The following MACROH2A2 variants were observed in gnomAD, a reference collection of about 807,000 sequenced individuals.
MACROH2A2 encodes the protein macroH2A.2 histone, also known as core histone macro-H2A.2.
MACROH2A2 carries 6 observed loss-of-function variants against 37.6 expected under a neutral mutation model. The ratio of observed to expected loss-of-function variants is 0.16; its 90% CI spans 0.09 to 0.32. MACROH2A2 has a LOEUF of 0.32. Among genes scored for constraint, MACROH2A2 ranks in the 10% least tolerant of loss-of-function variants. MACROH2A2 has a pLI of 1.00. For missense variants in MACROH2A2, 290 were observed against 485.9 expected, an observed-to-expected ratio of 0.60 and a Z score of 3.79; for synonymous variants, 192 against 202.7, an observed-to-expected ratio of 0.95 and a Z score of 0.45.
rs1391859420 is a variant in MACROH2A2, at chr10:70,053,017, GA to G, written c.-60+18del. The stretch of plus-strand genomic sequence containing the variant: ...CAGCACCAGGTGAGCCCGCCATGGC[GA>G]TGGCATTATTGTTTAGGGTGCTCCG... On this transcript the variant is annotated intron_variant, in intron 1 of 8. Coordinates refer to ENST00000373255, the MANE Select transcript of MACROH2A2 (RefSeq NM_018649.3). This position sits in a 1 kb window ranked among gnomAD's most constrained non-coding sequence, Gnocchi z 4.8. 2 of 152,314 alleles carry G rather than the reference GA, an allele frequency of 1.3e-5. No individual in the cohort carries two copies. Among genetic ancestry groups the G allele is most frequent in the African/African-American group, 4.8e-5 (2 of 41,458 alleles). 9.4% of individuals were successfully genotyped at this position (152,314 alleles called of 1,614,324 possible).
Position 70,075,892 on chromosome 10 carries a change from C to A in MACROH2A2, c.172+62C>A. On this transcript the variant is annotated intron_variant, in intron 2 of 8. Coordinates refer to ENST00000373255, the MANE Select transcript of MACROH2A2 (RefSeq NM_018649.3). The surrounding 1 kb of genome is among the most constrained non-coding windows in gnomAD (Gnocchi z 5.0). ...GGTCCCCACCCTCCCCTGGGTCCCC[C>A]TCGCAGGCTGGGGAGGGATGCTCCA... is the stretch of plus-strand genomic sequence containing the variant. 1.4e-6 allele frequency: 2 copies of A among 1,420,992 alleles called. No homozygotes were observed. Among genetic ancestry groups the A allele is most frequent in the Non-Finnish European group, 2.0e-6 (2 of 1,023,910 alleles). 88.0% of individuals were successfully genotyped at this position (1,420,992 alleles called of 1,614,324 possible).
At position 70,091,910 on chromosome 10, in the gene MACROH2A2, G is replaced by T. The variant is rs115009483; in HGVS notation, c.433G>T (p.Gly145Trp). 1.0e-4 allele frequency: 167 copies of T among 1,613,888 alleles called. No homozygotes were observed. Among genetic ancestry groups the T allele is most frequent in the Admixed American group, 2.5e-4 (15 of 59,980 alleles). Residue 145 changes from glycine (G) to tryptophan (W), a missense_variant, in exon 4 of 9, where the codon GGG (glycine) becomes TGG (tryptophan). Gly to Trp is a radical substitution (Grantham distance 184). This residue lies in a region of MACROH2A2 where 77 missense variants were observed against 68.9 expected (regional missense o/e 1.12). Transcript: ENST00000373255. ...RGRKATSGKKGGKKSKAAKPR... is the reference protein window; with the variant it reads ...RGRKATSGKKWGKKSKAAKPR... ...CAGGAAGGCCACGTCAGGCAAGAAGGGGGGGAAGAAATCCAAGGCTGCCAA... is the reference window on the plus strand; with the variant it reads ...CAGGAAGGCCACGTCAGGCAAGAAGTGGGGGAAGAAATCCAAGGCTGCCAA...
Position 70,111,719 on chromosome 10 carries a change from C to T in MACROH2A2, c.*36C>T, listed in dbSNP as rs753960304. ...TTCCAGCAGGGATCGGAGGACGACC[C>T]GAGTCCCAAGAGTGGGGTTTTGCTT... On this transcript the variant is annotated 3_prime_UTR_variant, in exon 9 of 9. Coordinates refer to ENST00000373255, the MANE Select transcript of MACROH2A2 (RefSeq NM_018649.3). 28 of 1,533,588 alleles carry T rather than the reference C, an allele frequency of 1.8e-5. No individual in the cohort carries two copies. The highest frequency in any genetic ancestry group is 4.1e-5 in the African/African-American group (3 of 72,536). 95.0% of individuals were successfully genotyped at this position (1,533,588 alleles called of 1,614,324 possible). A position where few individuals can be genotyped will look rare whatever the true frequency, so the allele number is the denominator to read the frequency against.
Position 70,109,193 on chromosome 10 carries a change from T to C in MACROH2A2, c.939T>C (p.Pro313=). 7 of 1,613,892 alleles carry C rather than the reference T, an allele frequency of 4.3e-6. No homozygotes were observed. Among genetic ancestry groups the C allele is most frequent in the Non-Finnish European group, 5.1e-6 (6 of 1,179,844 alleles). ...DKKLKSVAFP[P]FPSGRNCFPK... The stretch of plus-strand genomic sequence containing the variant: ...AGCTAAAGTCCGTCGCGTTCCCGCC[T>C]TTCCCCAGCGGCAGGTAAGATGCAG... Residue 313 remains proline (P), a synonymous_variant, in exon 8 of 9, where the codon CCT becomes CCC. Transcript: ENST00000373255.
chr10:70,084,631 A>G (rs1462636382), intron 2 of MACROH2A2, among the ~76,000 whole-genome samples: 1 of 151,928 alleles, frequency 6.6e-6, no homozygotes, highest in Non-Finnish European at 1.5e-5. Flanking sequence ...AGGCAGGGTA[A>G]GTTTTTGTTG....
chr10:70,077,114 G>T (rs186821799), intron 2 of MACROH2A2, among the ~76,000 whole-genome samples: 6 of 152,282 alleles, frequency 3.9e-5, no homozygotes, highest in Non-Finnish European at 5.9e-5. Flanking sequence ...GTGGGGTCAC[G>T]CAGGGATCTT....
chr10:70,108,049 T>A (rs1233933818), intron 7 of MACROH2A2, among the ~76,000 whole-genome samples: 1 of 151,734 alleles, frequency 6.6e-6, no homozygotes, highest in Non-Finnish European at 1.5e-5. Context: ...CAAAACCTCA[T>A]CTCTATAAAA....
chr10:70,099,194 A>G (rs981902631), intron 6 of MACROH2A2: 1 of 152,302 alleles, frequency 6.6e-6, no homozygotes, highest in African/African-American at 2.4e-5. Flanking sequence ...ACCCAAGAAC[A>G]TTAACAAAGA....
intron 7 of MACROH2A2, 57 bp downstream of exon 7, chr10:70,100,354 C>A: frequency 3.2e-6 from 3 of 947,312 alleles, no homozygotes; most frequent in South Asian, 1.4e-5. Context: ...TCTCTGGAGT[C>A]TCCAGCCTCA....
At chr10:70,088,095 C>A (rs906573213) in intron 2 of MACROH2A2, among the ~76,000 whole-genome samples, 2 of 152,050 alleles carry the variant, frequency 1.3e-5, no homozygotes, top group African/African-American at 2.4e-5. Context: ...GCATATCCTC[C>A]CAGCACATAC....
intron 6 of MACROH2A2, among the ~76,000 whole-genome samples, chr10:70,096,231 C>G (rs768697280): frequency 6.6e-6 from 1 of 152,196 alleles, no homozygotes; most frequent in Middle Eastern, 3.2e-3. Context: ...ATTGTGAAAT[C>G]TATCCATGTC....
intron 4 of MACROH2A2, among the ~76,000 whole-genome samples, chr10:70,092,493 C>T (rs1263361220): frequency 6.6e-6 from 1 of 152,090 alleles, no homozygotes; most frequent in Non-Finnish European, 1.5e-5. Context: ...CAGTCTATAG[C>T]ATTTTGTTAG....
intron 4 of MACROH2A2, among the ~76,000 whole-genome samples, 164 bp downstream of exon 4, chr10:70,092,118 G>GGGAACA (rs2072249291): frequency 6.6e-6 from 1 of 152,154 alleles, no homozygotes; most frequent in African/African-American, 2.4e-5. Flanking sequence ...CCTCACGAAT[G>GGGAACA]GGAACAGTCC....
At chr10:70,110,370 A>C (rs536634268) in intron 8 of MACROH2A2, among the ~76,000 whole-genome samples, 1 of 152,300 alleles carries the variant, frequency 6.6e-6, no homozygotes, top group East Asian at 1.9e-4. Context: ...CTGAAATTAC[A>C]TGGGCCTGTG....
At chr10:70,057,378 A>G (rs1056766919) in intron 1 of MACROH2A2, among the ~76,000 whole-genome samples, 2 of 152,036 alleles carry the variant, frequency 1.3e-5, no homozygotes, top group African/African-American at 4.8e-5. Flanking sequence ...GAGAATGCTA[A>G]ATGATTGATC....
At chr10:70,057,700 C>T (rs945684396) in intron 1 of MACROH2A2, among the ~76,000 whole-genome samples, 1 of 152,018 alleles carries the variant, frequency 6.6e-6, no homozygotes, top group African/African-American at 2.4e-5. Context: ...AGAAATATGC[C>T]CAAGAAAATG....
At chr10:70,081,758 C>G (rs187802107) in intron 2 of MACROH2A2, among the ~76,000 whole-genome samples, 390 of 152,116 alleles carry the variant, frequency 2.6e-3, no homozygotes, top group African/African-American at 8.9e-3. Flanking sequence ...AGAGCTGCCA[C>G]CAGATCTTAT....
chr10:70,086,700 C>T (rs1033518923), intron 2 of MACROH2A2, among the ~76,000 whole-genome samples: 1 of 152,138 alleles, frequency 6.6e-6, no homozygotes, highest in Non-Finnish European at 1.5e-5. Flanking sequence ...ATCCAGGATG[C>T]TAAATTCAAT....
chr10:70,059,207 AGAGGTGAGC>A (rs1340796368), intron 1 of MACROH2A2, among the ~76,000 whole-genome samples: 1 of 152,168 alleles, frequency 6.6e-6, no homozygotes, highest in East Asian at 1.9e-4. Flanking sequence ...AGAGGACCTC[AGAGGTGAGC>A]TGGTGCAATG....
Sources: allele counts gnomAD v4.1 joint callset (sites outside exome capture counted in the v4.1 genomes callset), GRCh38; gene constraint gnomAD v4.1.1; regional missense constraint gnomAD v4.1.1; non-coding constraint Gnocchi (gnomAD v3.1); transcripts MANE v1.5; gene names NCBI Gene and HGNC (gene_info 2026-07-23, HGNC 2026-07-21).